The following ADRA1B variants were observed in gnomAD, a reference collection of about 807,000 sequenced individuals.
ADRA1B encodes the protein adrenoceptor alpha 1B, also known as alpha-1B adrenergic receptor.
A neutral mutation model predicts 17.9 loss-of-function variants in ADRA1B; 17 were observed. The observed-to-expected ratio is 0.95, with a 90% CI of 0.65 to 1.42. ADRA1B has a LOEUF of 1.42. ADRA1B is among the 40% of genes most tolerant of loss of function. The probability of loss-of-function intolerance (pLI) is 0.00; values close to 1 mark genes in which losing one functional copy is unlikely to be tolerated. For missense variants in ADRA1B, 681 were observed against 722.1 expected (o/e 0.94, Z 0.65); for synonymous variants, 366 against 327.6 (o/e 1.12, Z -1.27).
At chr5:159,975,962 G>A (rs1391162668), downstream of ADRA1B, among the ~76,000 whole-genome samples, 1 of 152,200 alleles carries the variant, frequency 6.6e-6, no homozygotes, top group Non-Finnish European at 1.5e-5. Context: ...CAGTGGCTTG[G>A]CAAGTGGAAT....
At chr5:159,949,642 A>G (rs974683182) in intron 1 of ADRA1B, among the ~76,000 whole-genome samples, 1 of 152,216 alleles carries the variant, frequency 6.6e-6, no homozygotes, top group African/African-American at 2.4e-5. Context: ...ATCAGGAGAC[A>G]CTGGAATGAA....
intron 1 of ADRA1B, among the ~76,000 whole-genome samples, chr5:159,893,716 T>C (rs992406735): frequency 6.6e-6 from 1 of 152,210 alleles, no homozygotes; most frequent in African/African-American, 2.4e-5. Context: ...CTGGGTGCTG[T>C]CTGTGGAAGG....
chr5:159,915,370 CA>C, upstream of ADRA1B, among the ~76,000 whole-genome samples: 1 of 152,074 alleles, frequency 6.6e-6, no homozygotes. Flanking sequence ...TGAGAAAATG[CA>C]AAAAGAACTC....
intron 1 of ADRA1B, among the ~76,000 whole-genome samples, chr5:159,881,830 G>A (rs1753866366): frequency 6.6e-6 from 1 of 152,140 alleles, no homozygotes; most frequent in South Asian, 2.1e-4. Context: ...CCGGGCATGG[G>A]CTGTAGGGAC....
At chr5:159,971,810 T>A (rs1341240864) in intron 1 of ADRA1B, 69 bp from the exon 2 acceptor site, 15 of 1,303,458 alleles carry the variant, frequency 1.2e-5, no homozygotes, top group Non-Finnish European at 1.5e-5. Flanking sequence ...AGAAGCATAT[T>A]GGGGCGAGAG....
intron 1 of ADRA1B, among the ~76,000 whole-genome samples, chr5:159,919,722 C>G (rs1220084731): frequency 6.6e-6 from 1 of 152,236 alleles, no homozygotes; most frequent in African/African-American, 2.4e-5. Context: ...TGGCCTCCAG[C>G]CTGCAGAGGC....
chr5:159,896,503 C>T (rs1754042341), intron 1 of ADRA1B, among the ~76,000 whole-genome samples: 1 of 152,156 alleles, frequency 6.6e-6, no homozygotes, highest in Non-Finnish European at 1.5e-5. Context: ...TCTCATGTTC[C>T]TTCTGAGTCA....
chr5:159,869,316 G>A (rs1186731935), intron 1 of ADRA1B: 2 of 152,196 alleles, frequency 1.3e-5, no homozygotes, highest in Non-Finnish European at 2.9e-5. Flanking sequence ...CCAGAATCTG[G>A]AGATATAGCT....
At chr5:159,893,803 C>T (rs1427607508) in intron 1 of ADRA1B, among the ~76,000 whole-genome samples, 1 of 152,122 alleles carries the variant, frequency 6.6e-6, no homozygotes, top group Non-Finnish European at 1.5e-5. Flanking sequence ...TTGGGGGCTG[C>T]CCTGATGGGT....
chr5:159,875,373 C>T (rs558381231), intron 1 of ADRA1B, among the ~76,000 whole-genome samples: 1 of 152,174 alleles, frequency 6.6e-6, no homozygotes, highest in Admixed American at 6.5e-5. Flanking sequence ...TACCCAAGAG[C>T]AAAATCTGAA....
chr5:159,982,369 T>C, the ADRA1B span, among the ~76,000 whole-genome samples: 1 of 152,178 alleles, frequency 6.6e-6, no homozygotes, highest in Non-Finnish European at 1.5e-5. Context: ...CAGGAAGAGA[T>C]GTGCTTTCTT....
intron 1 of ADRA1B, among the ~76,000 whole-genome samples, chr5:159,880,557 C>G (rs912954227): frequency 6.6e-6 from 1 of 152,236 alleles, no homozygotes; most frequent in Non-Finnish European, 1.5e-5. Flanking sequence ...ATCTACCCTA[C>G]AAAGCTCATG....
intron 1 of ADRA1B, among the ~76,000 whole-genome samples, chr5:159,968,396 T>C (rs1191618042): frequency 6.6e-6 from 1 of 152,204 alleles, no homozygotes; most frequent in East Asian, 1.9e-4. Context: ...TTTCTCAGGT[T>C]GCATCCCCAT....
At chr5:159,865,452 C>T (rs964303782) in intron 1 of ADRA1B, among the ~76,000 whole-genome samples, 1 of 152,176 alleles carries the variant, frequency 6.6e-6, no homozygotes, top group East Asian at 1.9e-4. Context: ...AAAAGAAAAG[C>T]GTAACTCGCA....
chr5:159,973,771 GACTT>G (rs1333427090), downstream of ADRA1B, among the ~76,000 whole-genome samples: 6 of 152,174 alleles, frequency 3.9e-5, no homozygotes, highest in Non-Finnish European at 7.4e-5. Flanking sequence ...GAAGAGCAGA[GACTT>G]ACTTCCCTCT....
Position 159,916,831 on chromosome 5 carries a change from A to G in ADRA1B, c.-75A>G, listed in dbSNP as rs1370807524. 4 of 1,419,130 alleles carry G rather than the reference A, an allele frequency of 2.8e-6. No homozygotes were observed. Among genetic ancestry groups the G allele is most frequent in the Non-Finnish European group, 3.8e-6 (4 of 1,048,254 alleles). 87.9% of individuals were successfully genotyped at this position (1,419,130 alleles called of 1,614,324 possible). A position where few individuals can be genotyped will look rare whatever the true frequency, so the allele number is the denominator to read the frequency against. On this transcript the variant is annotated 5_prime_UTR_variant, in exon 1 of 2. Transcript: ENST00000306675. ...AAGACCACGGGGGAAGCAAAGTTTC[A>G]GGGCAGCTGAGGAGCCTTCGCCGCA...
intron 1 of ADRA1B, among the ~76,000 whole-genome samples, chr5:159,969,453 C>A (rs572407791): frequency 6.6e-6 from 1 of 152,280 alleles, no homozygotes; most frequent in Admixed American, 6.5e-5. Flanking sequence ...AATTCAAGAG[C>A]AATCCAAAAT....
At chr5:159,984,972 C>T in the ADRA1B span, among the ~76,000 whole-genome samples, 1 of 151,936 alleles carries the variant, frequency 6.6e-6, no homozygotes, top group African/African-American at 2.4e-5. Context: ...AGTGATTTCC[C>T]ATCACAATAA....
At chr5:159,869,348 G>A (rs1427989313) in intron 1 of ADRA1B, 1 of 152,184 alleles carries the variant, frequency 6.6e-6, no homozygotes, top group African/African-American at 2.4e-5. Flanking sequence ...TGTCATCTAA[G>A]TGAAAACTCT....
Sources: gnomAD v4.1 joint callset for allele counts (sites outside exome capture counted in the v4.1 genomes callset) on GRCh38, gnomAD v4.1.1 for gene constraint, MANE v1.5 for transcripts, NCBI Gene and HGNC (gene_info 2026-07-23, HGNC 2026-07-21) for gene names.